Variants in CNTNAP5 observed in about 807,000 individuals in gnomAD.
The protein encoded by CNTNAP5 is contactin associated protein family member 5.
CNTNAP5 carries 72 observed loss-of-function variants against 150.2 expected under a neutral mutation model. The observed-to-expected ratio is 0.48, with a 90% CI of 0.40 to 0.58. The LOEUF is 0.58. CNTNAP5 is among the 20% of genes least tolerant of loss of function. CNTNAP5 has a pLI of 0.00. For synonymous variants in CNTNAP5, 672 were observed against 619.8 expected (o/e 1.08, Z -1.25); for missense variants, 1,636 against 1,626.2 (o/e 1.01, Z -0.10).
intron 1 of CNTNAP5, among the ~76,000 whole-genome samples, chr2:124,090,677 CT>C (rs940074058): frequency 6.6e-5 from 10 of 152,080 alleles, no homozygotes; most frequent in African/African-American, 2.4e-4. Flanking sequence ...CAAATGATAG[CT>C]TTAAAAAAAG....
Position 124,446,766 on chromosome 2 carries a change from G to A in CNTNAP5, c.747G>A (p.Ala249=), listed in dbSNP as rs370435489. 149 of 1,613,508 alleles carry A rather than the reference G, an allele frequency of 9.2e-5. No homozygotes were observed. Among genetic ancestry groups the A allele is most frequent in the South Asian group, 9.1e-4 (83 of 91,032 alleles). ...CCCTCTTCACAGGTGACAGCAAAGC[G>A]CGGCTCAGCAGCAGCTTGCCCTCTG... ...ALHLNLGDSK[A]RLSSSLPSAT... The change falls in exon 6 of 24, where the codon GCG becomes GCA. Residue 249 remains alanine (A), a synonymous_variant. Transcript: ENST00000682447.
At chr2:124,838,642 C>T (rs974694545) in intron 19 of CNTNAP5, among the ~76,000 whole-genome samples, 1 of 152,114 alleles carries the variant, frequency 6.6e-6, no homozygotes, top group African/African-American at 2.4e-5. Flanking sequence ...CTACACAAAC[C>T]CCCTATTCAT....
chr2:124,655,674 G>A (rs1474875027), intron 13 of CNTNAP5, among the ~76,000 whole-genome samples: 1 of 151,784 alleles, frequency 6.6e-6, no homozygotes. Flanking sequence ...GAGGTGGGAG[G>A]ATGGCTTGAG....
intron 19 of CNTNAP5, among the ~76,000 whole-genome samples, chr2:124,813,079 T>A (rs1682272876): frequency 6.6e-6 from 1 of 151,856 alleles, no homozygotes; most frequent in South Asian, 2.1e-4. Flanking sequence ...TTTTTTGTTT[T>A]TGTTTTTGTT....
chr2:124,561,490 A>G (rs1454661198), intron 10 of CNTNAP5, among the ~76,000 whole-genome samples: 2 of 152,144 alleles, frequency 1.3e-5, no homozygotes, highest in Non-Finnish European at 2.9e-5. Context: ...GGGTGGGAAT[A>G]AAAAGGAAAG....
intron 21 of CNTNAP5, among the ~76,000 whole-genome samples, chr2:124,873,881 A>G (rs537114486): frequency 2.0e-5 from 3 of 152,112 alleles, no homozygotes; most frequent in Non-Finnish European, 4.4e-5. Context: ...AGTACCATCA[A>G]TAGCATTTCA....
At chr2:124,355,785 T>C (rs1689983125) in intron 3 of CNTNAP5, among the ~76,000 whole-genome samples, 1 of 152,164 alleles carries the variant, frequency 6.6e-6, no homozygotes, top group Admixed American at 6.5e-5. Context: ...AAGTTGGACA[T>C]TTGTAATTTG....
intron 5 of CNTNAP5, among the ~76,000 whole-genome samples, chr2:124,436,038 C>T (rs1228590211): frequency 1.3e-5 from 2 of 152,168 alleles, no homozygotes; most frequent in Non-Finnish European, 2.9e-5. Flanking sequence ...CGTCCAAATA[C>T]TACACAAACA....
chr2:124,172,215 AGT>A (rs1356600743), intron 1 of CNTNAP5, among the ~76,000 whole-genome samples: 1 of 152,214 alleles, frequency 6.6e-6, no homozygotes, highest in Non-Finnish European at 1.5e-5. Flanking sequence ...ACTTGGTATA[AGT>A]CATTGTTAAA....
chr2:124,473,071 G>A (rs1272882648), intron 6 of CNTNAP5, among the ~76,000 whole-genome samples: 1 of 151,946 alleles, frequency 6.6e-6, no homozygotes, highest in African/African-American at 2.4e-5. Flanking sequence ...AATAAGATGA[G>A]CACAGCATTT....
At chr2:124,753,004 A>G (rs1680762416) in intron 14 of CNTNAP5, among the ~76,000 whole-genome samples, 3 of 152,210 alleles carry the variant, frequency 2.0e-5, no homozygotes, top group South Asian at 2.1e-4. Context: ...AGGTTGCCCT[A>G]AAGTGAAGCT....
At chr2:124,702,835 G>T (rs896994814) in intron 13 of CNTNAP5, among the ~76,000 whole-genome samples, 9 of 152,120 alleles carry the variant, frequency 5.9e-5, no homozygotes, top group African/African-American at 2.2e-4. Context: ...GGATTTATTT[G>T]CCCTTTTCTC....
At position 124,707,204 on chromosome 2, in the gene CNTNAP5, GAAT is replaced by G. The variant is rs201421624; in HGVS notation, c.2078-40022_2078-40020del. 1.8e-3 allele frequency among the ~76,000 whole-genome samples: 256 copies of G among 142,622 alleles called. 23 individuals carry two copies. The highest frequency in any genetic ancestry group is 5.6e-3 in the African/African-American group (213 of 38,150). 93.6% of individuals were successfully genotyped at this position (142,622 alleles called of 152,430 possible). On this transcript the variant is annotated intron_variant, in intron 13 of 23. Coordinates refer to ENST00000682447, the MANE Select transcript of CNTNAP5 (RefSeq NM_001367498.1). ...AGAAGAAGAAGAAGAAGAAGAAGAA[GAAT>G]AAACAACTTGGGATCATTCACTGAC...
chr2:124,501,504 G>A (rs1233600076), intron 7 of CNTNAP5, among the ~76,000 whole-genome samples: 3 of 152,320 alleles, frequency 2.0e-5, no homozygotes, highest in South Asian at 2.1e-4. Context: ...CAATTCTAAA[G>A]TAATGTCTTC....
intron 10 of CNTNAP5, among the ~76,000 whole-genome samples, chr2:124,551,508 A>G (rs913461633): frequency 1.3e-5 from 2 of 152,206 alleles, no homozygotes; most frequent in Non-Finnish European, 2.9e-5. Flanking sequence ...GCAAACAGAC[A>G]AAGGAACGCA....
intron 10 of CNTNAP5, among the ~76,000 whole-genome samples, chr2:124,550,156 C>T (rs887104225): frequency 2.6e-5 from 4 of 152,134 alleles, no homozygotes; most frequent in African/African-American, 4.8e-5. Context: ...CATTTGAAAA[C>T]GATACCATTT....
chr2:124,754,764 C>T (rs935744442), intron 14 of CNTNAP5, among the ~76,000 whole-genome samples: 11 of 151,802 alleles, frequency 7.2e-5, no homozygotes, highest in African/African-American at 1.9e-4. Flanking sequence ...CTTGGCTCAC[C>T]GCAGCCTCAA....
At chr2:124,139,024 G>A (rs897605383) in intron 1 of CNTNAP5, among the ~76,000 whole-genome samples, 5 of 151,200 alleles carry the variant, frequency 3.3e-5, no homozygotes, top group African/African-American at 4.9e-5. Flanking sequence ...GTCTACAGGA[G>A]GTTCCCTTCC....
chr2:124,829,557 G>A (rs1470403960), intron 19 of CNTNAP5, among the ~76,000 whole-genome samples: 1 of 151,434 alleles, frequency 6.6e-6, no homozygotes, highest in Non-Finnish European at 1.5e-5. Flanking sequence ...ATACATAGTG[G>A]TATATACATA....
Sources: allele counts gnomAD v4.1 joint callset (sites outside exome capture counted in the v4.1 genomes callset), GRCh38; gene constraint gnomAD v4.1.1; transcripts MANE v1.5; gene names NCBI Gene and HGNC (gene_info 2026-07-23, HGNC 2026-07-21).